The following IGSF11 variants were observed in gnomAD, a reference collection of about 807,000 sequenced individuals.
The protein encoded by IGSF11 is CXADR like 1.
A neutral mutation model predicts 41.0 loss-of-function variants in IGSF11; 22 were observed. The observed-to-expected ratio is 0.54, with a 90% CI of 0.38 to 0.77. IGSF11 has a LOEUF of 0.77. Ranked by LOEUF, IGSF11 falls within the 30% of genes least tolerant of loss-of-function variation. IGSF11 has a pLI of 0.00. For missense variants in IGSF11, 444 were observed against 530.8 expected (o/e 0.84, Z 1.61); for synonymous variants, 219 against 201.3 (o/e 1.09, Z -0.74).
chr3:119,073,580 T>C (rs920965850), intron 1 of IGSF11, among the ~76,000 whole-genome samples: 2 of 152,234 alleles, frequency 1.3e-5, no homozygotes, highest in Non-Finnish European at 2.9e-5. Context: ...GTGAAAATTC[T>C]AGTGCAGTGC....
chr3:118,907,980 G>A (rs553078720), intron 4 of IGSF11, among the ~76,000 whole-genome samples: 11 of 152,078 alleles, frequency 7.2e-5, no homozygotes, highest in African/African-American at 2.2e-4. Context: ...TATCATCAAC[G>A]CAAGAAAACC....
chr3:118,961,280 T>C (rs1027345088), intron 1 of IGSF11, among the ~76,000 whole-genome samples: 5 of 152,238 alleles, frequency 3.3e-5, no homozygotes, highest in East Asian at 1.9e-4. Flanking sequence ...TCGTAGACAG[T>C]TGACTCTGCT....
In IGSF11 at chr3:119,137,846, G is replaced by A. The variant is rs747870500; in HGVS notation, c.-14+7967C>T. Among the ~76,000 whole-genome samples the A allele has an allele frequency of 1.5e-4, 23 of 151,790 alleles. 1 individual carries two copies. Among genetic ancestry groups the A allele is most frequent in the South Asian group, 4.2e-4 (2 of 4,808 alleles). ...TTAATAACCAGAATATACGAGGCAC[G>A]CAAACAACTCTATTGGAAAAAATCT... On this transcript the variant is annotated intron_variant, in intron 1 of 7. Transcript: ENST00000425327.
At chr3:119,101,820 G>T (rs2076944406) in intron 1 of IGSF11, among the ~76,000 whole-genome samples, 3 of 152,256 alleles carry the variant, frequency 2.0e-5, no homozygotes, top group Admixed American at 2.0e-4. Flanking sequence ...TGACTCCACA[G>T]TATCAACAAT....
chr3:118,936,750 C>T (rs1029791137), intron 1 of IGSF11, among the ~76,000 whole-genome samples: 3 of 152,172 alleles, frequency 2.0e-5, no homozygotes, highest in Non-Finnish European at 4.4e-5. Flanking sequence ...TTTCTTTAGA[C>T]TCCTGTTTCC....
chr3:118,905,843 G>C (rs1277963971), intron 4 of IGSF11, 125 bp from the exon 5 acceptor site: 24 of 1,017,172 alleles, frequency 2.4e-5, no homozygotes, highest in Non-Finnish European at 3.3e-5. Flanking sequence ...TTTTTGTGGG[G>C]GTAGGGTGAG....
chr3:119,058,702 T>C (rs1189798262), intron 1 of IGSF11, among the ~76,000 whole-genome samples: 1 of 152,166 alleles, frequency 6.6e-6, no homozygotes, highest in Non-Finnish European at 1.5e-5. Context: ...CTATTCACAA[T>C]AGCAAAGACT....
chr3:119,034,842 G>A lies in IGSF11; in HGVS notation c.-260C>T, dbSNP rs1402919270. The A allele has an allele frequency of 2.4e-6, 3 of 1,228,242 alleles. No individual in the cohort carries two copies. Among genetic ancestry groups the A allele is most frequent in the Admixed American group, 4.3e-5 (1 of 23,420 alleles). 76.1% of individuals were successfully genotyped at this position (1,228,242 alleles called of 1,614,324 possible). ...AGCCGTGCCACCCAGCCCTGCCCCA[G>A]GACTAGCCGACCCCTCGCGCAGTCC... On this transcript the variant is annotated 5_prime_UTR_variant, in exon 1 of 7. Coordinates refer to ENST00000393775, the MANE Select transcript of IGSF11 (RefSeq NM_001015887.3).
At position 118,995,229 on chromosome 3, in the gene IGSF11, A is replaced by G. The variant is rs138244384; in HGVS notation, c.52+39302T>C. ...CTAGAACAAGGGTTCTCCAGGTTTT[A>G]TTCACCTAAGTAATCACTTTTCATG... is the stretch of plus-strand genomic sequence containing the variant. On this transcript the variant is annotated intron_variant, in intron 1 of 6. Coordinates refer to ENST00000393775, the MANE Select transcript of IGSF11 (RefSeq NM_001015887.3). Among the ~76,000 whole-genome samples the G allele has an allele frequency of 2.8e-3, 433 of 152,338 alleles. 2 individuals carry two copies. Among genetic ancestry groups the G allele is most frequent in the African/African-American group, 9.3e-3 (387 of 41,572 alleles).
intron 1 of IGSF11, among the ~76,000 whole-genome samples, chr3:118,937,130 G>T (rs1017966227): frequency 6.6e-6 from 1 of 152,112 alleles, no homozygotes; most frequent in Admixed American, 6.5e-5. Context: ...GCATCAAAAA[G>T]ACCTTTATGG....
At chr3:119,076,405 A>G (rs539151500) in intron 1 of IGSF11, among the ~76,000 whole-genome samples, 1 of 152,368 alleles carries the variant, frequency 6.6e-6, no homozygotes, top group South Asian at 2.1e-4. Flanking sequence ...GCCAAAATTG[A>G]CAAATGGGAT....
At chr3:119,119,224 T>C (rs770306215) in intron 1 of IGSF11, among the ~76,000 whole-genome samples, 37 of 152,172 alleles carry the variant, frequency 2.4e-4, no homozygotes, top group African/African-American at 7.5e-4. Flanking sequence ...TACCTGAGAC[T>C]GGGTAATTTA....
chr3:119,094,671 A>ATTT (rs59894832), intron 1 of IGSF11, among the ~76,000 whole-genome samples: 1 of 137,476 alleles, frequency 7.3e-6, no homozygotes, highest in Admixed American at 7.3e-5. Flanking sequence ...GAGCAACTCT[A>ATTT]TTTTTTTTTT....
At chr3:119,055,231 A>G (rs976831564) in intron 1 of IGSF11, among the ~76,000 whole-genome samples, 3 of 152,192 alleles carry the variant, frequency 2.0e-5, no homozygotes, top group Non-Finnish European at 4.4e-5. Flanking sequence ...TGGGGAAAAA[A>G]CAGAACAGAA....
chr3:119,015,020 A>AAC (rs3049115), intron 1 of IGSF11, among the ~76,000 whole-genome samples: 34,607 of 152,012 alleles, frequency 0.23, 5,079 homozygotes, highest in African/African-American at 0.42. Flanking sequence ...TTTTAAAATA[A>AAC]ACAGTTCAAA....
chr3:119,018,386 C>T (rs987611004), intron 1 of IGSF11, among the ~76,000 whole-genome samples: 2 of 152,168 alleles, frequency 1.3e-5, no homozygotes, highest in Middle Eastern at 3.2e-3. Flanking sequence ...CTCATAACTC[C>T]TATAAATGTT....
chr3:118,940,665 C>G (rs967698761), intron 1 of IGSF11, among the ~76,000 whole-genome samples: 2 of 151,850 alleles, frequency 1.3e-5, no homozygotes, highest in Non-Finnish European at 2.9e-5. Flanking sequence ...TTTGTATAGA[C>G]AAATTGCTCC....
At chr3:119,111,824 C>T (rs549927881) in intron 1 of IGSF11, among the ~76,000 whole-genome samples, 1 of 152,360 alleles carries the variant, frequency 6.6e-6, no homozygotes, top group Non-Finnish European at 1.5e-5. Flanking sequence ...GGACCCTCAA[C>T]TGCAGGACTG....
chr3:118,996,760 T>C (rs1936309637), intron 1 of IGSF11, among the ~76,000 whole-genome samples: 1 of 152,044 alleles, frequency 6.6e-6, no homozygotes, highest in Admixed American at 6.6e-5. Flanking sequence ...CCACAATGCC[T>C]GGCTAATTTT....
Sources: gnomAD v4.1 joint callset for allele counts (sites outside exome capture counted in the v4.1 genomes callset) on GRCh38, gnomAD v4.1.1 for gene constraint, MANE v1.5 for transcripts, NCBI Gene and HGNC (gene_info 2026-07-23, HGNC 2026-07-21) for gene names.